Variants in TRPS1 observed in about 807,000 individuals in gnomAD.
The protein encoded by TRPS1 is zinc finger transcription factor Trps1.
TRPS1 carries 6 observed loss-of-function variants against 101.2 expected under a neutral mutation model. The ratio of observed to expected loss-of-function variants is 0.06; its 90% CI spans 0.03 to 0.12. The LOEUF (loss-of-function observed/expected upper bound fraction) is 0.12. TRPS1 is among the 10% of genes least tolerant of loss of function. The probability of loss-of-function intolerance (pLI) is 1.00; values close to 1 mark genes in which losing one functional copy is unlikely to be tolerated. For synonymous variants in TRPS1, 578 were observed against 589.8 expected, an observed-to-expected ratio of 0.98 and a Z score of 0.29; for missense variants, 1,363 against 1,567.0, an observed-to-expected ratio of 0.87 and a Z score of 2.20.
In TRPS1 at chr8:115,414,328, A is replaced by G. The variant is rs745848668; in HGVS notation, c.3580T>C (p.Ser1194Pro). ...SRPGPTANGA[S>P]KEKTKAPPNV... is the part of the protein sequence containing the mutation. ...GGTGGTGCCTTCGTTTTCTCCTTGGAGGCACCGTTTGCAGTTGGCCCAGGT... is the reference window on the plus strand; with the variant it reads ...GGTGGTGCCTTCGTTTTCTCCTTGGGGGCACCGTTTGCAGTTGGCCCAGGT... Residue 1194 changes from serine (S) to proline (P), a missense_variant, in exon 7 of 7, where the codon TCC becomes CCC. Physicochemically the swap from Ser to Pro is moderately conservative, Grantham distance 74. Around this residue, in one of 5 missense-constraint regions of TRPS1, gnomAD observed 307 missense variants for 392.4 expected, o/e 0.78. Transcript: ENST00000395715. This position sits in a 1 kb window ranked among gnomAD's most constrained non-coding sequence, Gnocchi z 4.8. The G allele has an allele frequency of 6.2e-7, 1 of 1,613,894 alleles. No individual in the cohort carries two copies.
At chr8:115,562,871 A>AGTGT (rs1342159223) in intron 5 of TRPS1, among the ~76,000 whole-genome samples, 1 of 100,952 alleles carries the variant, frequency 9.9e-6, no homozygotes, top group Non-Finnish European at 2.1e-5. Flanking sequence ...CCCTACCCAC[A>AGTGT]GTGTCTGTGT....
At chr8:115,463,020 G>A (rs180915630) in intron 5 of TRPS1, among the ~76,000 whole-genome samples, 5 of 152,266 alleles carry the variant, frequency 3.3e-5, no homozygotes, top group African/African-American at 7.2e-5. Context: ...TAAACTAAGG[G>A]CAATAACAGC....
intron 5 of TRPS1, among the ~76,000 whole-genome samples, chr8:115,521,501 T>C (rs552727360): frequency 6.6e-6 from 1 of 151,928 alleles, no homozygotes; most frequent in South Asian, 2.1e-4. Context: ...TCTGTGTTTA[T>C]TTAATTTAGA....
chr8:115,485,522 C>T (rs955380223), intron 5 of TRPS1, among the ~76,000 whole-genome samples: 6 of 152,246 alleles, frequency 3.9e-5, no homozygotes, highest in African/African-American at 9.6e-5. Flanking sequence ...ATAGAACATA[C>T]GCCTCTTTAG....
rs529148376 is a variant in TRPS1 at position 115,463,364 on chromosome 8, T to C, written c.2701-44912A>G. Among the ~76,000 whole-genome samples, 57 of 152,344 alleles carry C rather than the reference T, an allele frequency of 3.7e-4. No individual in the cohort carries two copies. In the East Asian group the frequency reaches 0.011, roughly 28 times the overall value. ...AAGAAAAGAAATGTTCACCCTTTTC[T>C]GAGATATTTATTTTATCCTCAGAGA... is the stretch of plus-strand genomic sequence containing the variant. On this transcript the variant is annotated intron_variant, in intron 5 of 6. Coordinates refer to ENST00000395715, the MANE Select transcript of TRPS1 (RefSeq NM_014112.5).
chr8:115,519,197 A>G (rs1208447403), intron 5 of TRPS1, among the ~76,000 whole-genome samples: 1 of 151,740 alleles, frequency 6.6e-6, no homozygotes, highest in Non-Finnish European at 1.5e-5. Context: ...AAAAAAGCAA[A>G]CATGTCATTT....
intron 5 of TRPS1, among the ~76,000 whole-genome samples, chr8:115,464,327 T>C (rs1326853355): frequency 1.3e-5 from 2 of 152,146 alleles, no homozygotes; most frequent in African/African-American, 2.4e-5. Flanking sequence ...TGGTAGGCCA[T>C]TGGATCAAGT....
intron 1 of TRPS1, among the ~76,000 whole-genome samples, chr8:115,646,006 A>C (rs977580029): frequency 6.6e-6 from 1 of 152,182 alleles, no homozygotes; most frequent in Admixed American, 6.5e-5. Context: ...GTCCGTAAAT[A>C]TCCTAAATAT....
chr8:115,450,067 T>C (rs1297298503), intron 5 of TRPS1, among the ~76,000 whole-genome samples: 1 of 151,906 alleles, frequency 6.6e-6, no homozygotes, highest in African/African-American at 2.4e-5. Context: ...TTAGAGTATA[T>C]AGGAACGTGA....
intron 5 of TRPS1, among the ~76,000 whole-genome samples, chr8:115,435,502 A>G (rs931114977): frequency 1.3e-5 from 2 of 151,982 alleles, no homozygotes; most frequent in Non-Finnish European, 2.9e-5. Flanking sequence ...CTCAGGGAAG[A>G]GGTGGGGTAC....
intron 3 of TRPS1, among the ~76,000 whole-genome samples, chr8:115,615,653 C>T (rs1483229569): frequency 6.6e-6 from 1 of 151,966 alleles, no homozygotes; most frequent in Non-Finnish European, 1.5e-5. Flanking sequence ...CTCAGCTACT[C>T]GGGAGGCTGA....
Position 115,642,587 on chromosome 8 carries a change from T to A in TRPS1, c.-121-18829A>T, listed in dbSNP as rs949878221. ...GTGAATTTTATAATCCAAATACAATTCAATAGCAGCACCTGCCAACAAAAA... is the reference window on the plus strand; with the variant it reads ...GTGAATTTTATAATCCAAATACAATACAATAGCAGCACCTGCCAACAAAAA... On this transcript the variant is annotated intron_variant, in intron 1 of 6. Coordinates refer to ENST00000395715, the MANE Select transcript of TRPS1 (RefSeq NM_014112.5). Among the ~76,000 whole-genome samples, 5 of 151,888 alleles carry A rather than the reference T, an allele frequency of 3.3e-5. 1 individual carries two copies. The highest frequency in any genetic ancestry group is 1.2e-4 in the African/African-American group (5 of 41,384).
chr8:115,613,793 C>A (rs1411854585), intron 3 of TRPS1, among the ~76,000 whole-genome samples: 1 of 151,648 alleles, frequency 6.6e-6, no homozygotes, highest in Non-Finnish European at 1.5e-5. Context: ...AGATGTGAAT[C>A]CAAAATTGGA....
intron 5 of TRPS1, among the ~76,000 whole-genome samples, chr8:115,562,878 G>GTC (rs1563605567): frequency 1.5e-5 from 1 of 68,730 alleles, no homozygotes; most frequent in Non-Finnish European, 2.5e-5. Flanking sequence ...CACAGTGTCT[G>GTC]TGTGTGTGTG....
chr8:115,597,003 G>C (rs1046973610), intron 4 of TRPS1, among the ~76,000 whole-genome samples: 1 of 151,734 alleles, frequency 6.6e-6, no homozygotes, highest in African/African-American at 2.4e-5. Context: ...ACATTCCACT[G>C]CTTGAAAATT....
intron 5 of TRPS1, among the ~76,000 whole-genome samples, chr8:115,585,573 A>G (rs1817544668): frequency 6.6e-6 from 1 of 152,224 alleles, no homozygotes; most frequent in Admixed American, 6.5e-5. Context: ...ACCAGAAGCC[A>G]TGAGTCACTT....
At chr8:115,492,556 T>C (rs1408131555) in intron 5 of TRPS1, among the ~76,000 whole-genome samples, 1 of 151,944 alleles carries the variant, frequency 6.6e-6, no homozygotes, top group African/African-American at 2.4e-5. Flanking sequence ...GGGTGGGTGC[T>C]ATTGTCATTC....
At chr8:115,446,539 A>G (rs1813741258) in intron 5 of TRPS1, among the ~76,000 whole-genome samples, 1 of 152,064 alleles carries the variant, frequency 6.6e-6, no homozygotes, top group East Asian at 1.9e-4. Flanking sequence ...GCATCAATTT[A>G]GTTTCCTGCT....
At chr8:115,427,550 G>A (rs1418341340) in intron 5 of TRPS1, among the ~76,000 whole-genome samples, 1 of 151,976 alleles carries the variant, frequency 6.6e-6, no homozygotes, top group East Asian at 1.9e-4. Context: ...CTGAATAGTA[G>A]GGCTAAGATA....
Sources: allele counts gnomAD v4.1 joint callset (sites outside exome capture counted in the v4.1 genomes callset), GRCh38; gene constraint gnomAD v4.1.1; regional missense constraint gnomAD v4.1.1; non-coding constraint Gnocchi (gnomAD v3.1); transcripts MANE v1.5; gene names NCBI Gene and HGNC (gene_info 2026-07-23, HGNC 2026-07-21).